Variants in VWA3B observed in about 807,000 individuals in gnomAD.
VWA3B encodes the protein von Willebrand factor A domain-containing protein 3B.
In VWA3B, 138 loss-of-function variants were observed where a neutral mutation model predicts 158.3. The ratio of observed to expected loss-of-function variants is 0.87; its 90% CI spans 0.76 to 1.00. The LOEUF (loss-of-function observed/expected upper bound fraction) is 1.00. Among genes scored for constraint, VWA3B ranks in the 50% least tolerant of loss-of-function variants. The probability of loss-of-function intolerance (pLI) is 0.00; values close to 1 mark genes in which losing one functional copy is unlikely to be tolerated. For synonymous variants in VWA3B, 596 were observed against 587.3 expected (o/e 1.01, Z -0.21); for missense variants, 1,555 against 1,565.1 (o/e 0.99, Z 0.11).
chr2:98,179,828 TTTTC>T (rs1371362825), intron 8 of VWA3B, among the ~76,000 whole-genome samples: 7 of 129,994 alleles, frequency 5.4e-5, no homozygotes, highest in African/African-American at 8.6e-5. Context: ...CTTTCTTTCT[TTTTC>T]TTTCTTTCTT....
intron 3 of VWA3B, 62 bp from the exon 4 acceptor site, chr2:98,119,451 C>G: frequency 4.3e-5 from 67 of 1,553,550 alleles, no homozygotes; most frequent in Admixed American, 1.4e-4. Flanking sequence ...GGTGGCAGCA[C>G]TGTGGTTCAA....
intron 7 of VWA3B, among the ~76,000 whole-genome samples, chr2:98,142,959 A>T (rs1052702617): frequency 5.3e-5 from 8 of 152,214 alleles, no homozygotes; most frequent in African/African-American, 1.7e-4. Flanking sequence ...AGTGTAAAAC[A>T]TATCAATTAT....
chr2:98,090,793 T>C (rs1417841446), intron 1 of VWA3B, among the ~76,000 whole-genome samples: 1 of 152,060 alleles, frequency 6.6e-6, no homozygotes, highest in African/African-American at 2.4e-5. Context: ...TCTTGCTCTG[T>C]TGCCCAGGCT....
chr2:98,227,261 A>C (rs1376514095), intron 14 of VWA3B, among the ~76,000 whole-genome samples: 1 of 152,226 alleles, frequency 6.6e-6, no homozygotes, highest in African/African-American at 2.4e-5. Flanking sequence ...ACAGACAAGC[A>C]GAGAGCCAAA....
intron 11 of VWA3B, 25 bp downstream of exon 11, chr2:98,193,061 C>T (rs371939369): frequency 6.9e-6 from 11 of 1,589,778 alleles, no homozygotes; most frequent in Non-Finnish European, 9.4e-6. Flanking sequence ...TCGGTTCATG[C>T]ATTTGGGGCT....
chr2:98,217,125 C>G lies in VWA3B; in HGVS notation c.1837-721C>G. 8.3e-6 allele frequency: 4 copies of G among 479,262 alleles called. 1 individual carries two copies. Among genetic ancestry groups the G allele is most frequent in the Non-Finnish European group, 1.4e-5 (4 of 293,780 alleles). 29.7% of individuals were successfully genotyped at this position (479,262 alleles called of 1,614,324 possible). A position where few individuals can be genotyped will look rare whatever the true frequency, so the allele number is the denominator to read the frequency against. On this transcript the variant is annotated intron_variant, in intron 13 of 27. Transcript: ENST00000477737. ...GGAGCTCCATCCCTGCAATGGGAAA[C>G]AGCCACTCCTGTCCTCCTGCCCCCT... is the stretch of plus-strand genomic sequence containing the variant.
At chr2:98,090,075 G>C (rs1682168453) in intron 1 of VWA3B, among the ~76,000 whole-genome samples, 1 of 152,156 alleles carries the variant, frequency 6.6e-6, no homozygotes, top group Non-Finnish European at 1.5e-5. Context: ...GAATATTGTA[G>C]GAGGTGGGTG....
chr2:98,225,685 A>T (rs79152996), intron 14 of VWA3B, among the ~76,000 whole-genome samples: 2 of 150,768 alleles, frequency 1.3e-5, no homozygotes, highest in Admixed American at 1.3e-4. Flanking sequence ...TTATCTACAT[A>T]GAAAACCCCA....
At chr2:98,169,579 A>G (rs1055321764) in intron 8 of VWA3B, among the ~76,000 whole-genome samples, 1 of 152,224 alleles carries the variant, frequency 6.6e-6, no homozygotes, top group Non-Finnish European at 1.5e-5. Flanking sequence ...TTAAAGGTGT[A>G]TGAGATATTA....
chr2:98,099,243 A>G (rs1004962320), intron 2 of VWA3B: 1 of 151,980 alleles, frequency 6.6e-6, no homozygotes. Flanking sequence ...TCCCTTTAGC[A>G]TTTCTTATAA....
At chr2:98,270,174 A>G (rs1242576496) in intron 21 of VWA3B, among the ~76,000 whole-genome samples, 1 of 152,226 alleles carries the variant, frequency 6.6e-6, no homozygotes, top group African/African-American at 2.4e-5. Context: ...CAAATAGTTT[A>G]GACTTATTTA....
At chr2:98,269,198 A>G (rs1688050927) in intron 21 of VWA3B, 1 of 152,142 alleles carries the variant, frequency 6.6e-6, no homozygotes, top group South Asian at 2.1e-4. Flanking sequence ...GATTTTCACA[A>G]ACTGGCCTCT....
At chr2:98,146,252 C>T (rs752745751) in intron 7 of VWA3B, among the ~76,000 whole-genome samples, 8 of 152,060 alleles carry the variant, frequency 5.3e-5, no homozygotes, top group African/African-American at 9.7e-5. Context: ...TGCTCTTTTC[C>T]GCATAAGTTT....
chr2:98,161,780 C>T (rs1403531990), intron 7 of VWA3B, among the ~76,000 whole-genome samples: 2 of 152,148 alleles, frequency 1.3e-5, no homozygotes, highest in Non-Finnish European at 2.9e-5. Flanking sequence ...GATCTCAGCT[C>T]ACTGCAGCCT....
chr2:98,320,700 T>G, the VWA3B span, among the ~76,000 whole-genome samples: 8 of 152,188 alleles, frequency 5.3e-5, 1 homozygote, highest in South Asian at 1.7e-3. Context: ...ACTTTGAAAT[T>G]GAGAGAGATG....
chr2:98,199,628 T>C (rs1682361647), intron 12 of VWA3B, among the ~76,000 whole-genome samples: 1 of 152,224 alleles, frequency 6.6e-6, no homozygotes, highest in East Asian at 1.9e-4. Flanking sequence ...ACTGTGAGCA[T>C]GCTGGTCCTT....
intron 8 of VWA3B, among the ~76,000 whole-genome samples, chr2:98,178,504 C>T (rs1368205350): frequency 6.6e-6 from 1 of 152,144 alleles, no homozygotes; most frequent in Non-Finnish European, 1.5e-5. Flanking sequence ...TTCTATATCC[C>T]CTTAAATATA....
At chr2:98,207,122 C>CT (rs1683089188) in intron 12 of VWA3B, 2 of 535,244 alleles carry the variant, frequency 3.7e-6, no homozygotes, top group Non-Finnish European at 7.5e-6. Flanking sequence ...GGCAGAATCC[C>CT]TTCTGCTGTG....
At chr2:98,134,396 A>ACGGAGG (rs1273662430) in intron 7 of VWA3B, among the ~76,000 whole-genome samples, 3 of 152,296 alleles carry the variant, frequency 2.0e-5, no homozygotes, top group Non-Finnish European at 4.4e-5. Context: ...AGGAACCTTT[A>ACGGAGG]CGGAGGCGGA....
Sources: allele counts gnomAD v4.1 joint callset (sites outside exome capture counted in the v4.1 genomes callset), GRCh38; gene constraint gnomAD v4.1.1; transcripts MANE v1.5; gene names NCBI Gene and HGNC (gene_info 2026-07-23, HGNC 2026-07-21).